The following RASEF variants were observed in gnomAD, a reference collection of about 807,000 sequenced individuals.
RASEF encodes the protein RAS and EF-hand domain containing.
In RASEF, 68 loss-of-function variants were observed where a neutral mutation model predicts 90.1. The observed-to-expected ratio is 0.75, with a 90% CI of 0.62 to 0.92. RASEF has a LOEUF of 0.92. Among genes scored for constraint, RASEF ranks in the 40% least tolerant of loss-of-function variants. The pLI is 0.00. For missense variants in RASEF, 949 were observed against 937.2 expected, an observed-to-expected ratio of 1.01 and a Z score of -0.16; for synonymous variants, 331 against 345.2, an observed-to-expected ratio of 0.96 and a Z score of 0.46.
chr9:83,086,659 A>C, the RASEF span, among the ~76,000 whole-genome samples: 4 of 152,140 alleles, frequency 2.6e-5, no homozygotes, highest in African/African-American at 9.7e-5. Flanking sequence ...AAGCTCCCTC[A>C]CAGCGTTGGC....
the RASEF span, among the ~76,000 whole-genome samples, chr9:83,181,561 G>T: frequency 3.3e-5 from 5 of 152,146 alleles, no homozygotes. Context: ...TCAAGAAACA[G>T]ATTTTTAAAA....
intron 5 of RASEF, among the ~76,000 whole-genome samples, chr9:83,010,761 T>C (rs1477390351): frequency 6.6e-6 from 1 of 152,088 alleles, no homozygotes; most frequent in Non-Finnish European, 1.5e-5. Flanking sequence ...CTCACACCGG[T>C]AACTGGGGTC....
chr9:83,215,077 C>T, the RASEF span, among the ~76,000 whole-genome samples: 5 of 151,554 alleles, frequency 3.3e-5, no homozygotes, highest in Admixed American at 6.6e-5. Flanking sequence ...AGAAGAGGAA[C>T]GTCTGAACAC....
the RASEF span, among the ~76,000 whole-genome samples, chr9:83,144,387 GAAAGGAAAGAAAGAAAGAAAGAAAGAA>G: frequency 4.6e-5 from 1 of 21,872 alleles, no homozygotes; most frequent in African/African-American, 2.7e-4. Flanking sequence ...AAGAAAGAAA[GAAAGGAAAGAAAGAAAGAAAGAAAGAA>G]AGAAAAGAAA....
At position 83,000,970 on chromosome 9, in the gene RASEF, A is replaced by G; in HGVS notation, c.1363T>C (p.Tyr455His). 2 of 1,614,124 alleles carry G rather than the reference A, an allele frequency of 1.2e-6. No individual in the cohort carries two copies. The highest frequency in any genetic ancestry group is 1.7e-6 in the Non-Finnish European group (2 of 1,180,024). The change falls in exon 10 of 17, where the codon TAC (tyrosine) becomes CAC (histidine). Residue 455 changes from tyrosine (Y) to histidine (H), a missense_variant. Transcript: ENST00000376447. ...CTCTGAAATCCCCTCTGGTGCTTGT[A>G]TTCCACTTCTGAGTCATACTCATTG... Reference protein sequence around the residue: ...DPNEYDSEVEYKHQRGFQRSH... With the variant: ...DPNEYDSEVEHKHQRGFQRSH...
the RASEF span, among the ~76,000 whole-genome samples, chr9:83,100,392 A>T: frequency 6.6e-6 from 1 of 152,246 alleles, no homozygotes; most frequent in Non-Finnish European, 1.5e-5. Flanking sequence ...AGCTGCTTAC[A>T]TCAGAACATC....
the RASEF span, among the ~76,000 whole-genome samples, chr9:83,091,586 A>C: frequency 0.029 from 4,407 of 152,248 alleles, 220 homozygotes; most frequent in African/African-American, 0.099. Context: ...ATTTTTTAAA[A>C]AATGAACTCC....
chr9:83,155,525 C>T, the RASEF span, among the ~76,000 whole-genome samples: 9 of 151,994 alleles, frequency 5.9e-5, no homozygotes, highest in African/African-American at 1.7e-4. Context: ...TGGGGGAAAC[C>T]GCCCCCATGA....
the RASEF span, among the ~76,000 whole-genome samples, chr9:83,081,110 C>T: frequency 6.6e-6 from 1 of 152,136 alleles, no homozygotes; most frequent in Non-Finnish European, 1.5e-5. Context: ...CTATCATCCT[C>T]ATGTTACTGA....
rs1414675905 is a variant in RASEF at position 82,982,066 on chromosome 9, G to A, written c.*611C>T. ...ATCAATACTCCAATATTAAAAAGCA[G>A]GAATAACCATAGTTCTATTATTAAC... On this transcript the variant is annotated 3_prime_UTR_variant, in exon 17 of 17. Transcript: ENST00000376447. 6.6e-6 allele frequency: 1 copy of A among 152,154 alleles called. No individual in the cohort carries two copies. Among genetic ancestry groups the A allele is most frequent in the African/African-American group, 2.4e-5 (1 of 41,428 alleles). The allele number at this position is 152,154 out of a possible 1,614,324, so 9.4% of individuals were successfully genotyped here. A position where few individuals can be genotyped will look rare whatever the true frequency, so the allele number is the denominator to read the frequency against.
At position 83,035,383 on chromosome 9, in the gene RASEF, A is replaced by G. The variant is rs141056817; in HGVS notation, c.432-9462T>C. The stretch of plus-strand genomic sequence containing the variant: ...TTGCTGTGCTGACCCGTTACCATCT[A>G]TTAACATAAGGCCCTGAGCATAGCA... On this transcript the variant is annotated intron_variant, in intron 1 of 16. Transcript: ENST00000376447. Among the ~76,000 whole-genome samples the G allele has an allele frequency of 1.5e-3, 234 of 152,294 alleles. 1 individual carries two copies. The highest frequency in any genetic ancestry group is 5.5e-3 in the African/African-American group (227 of 41,562).
the RASEF span, among the ~76,000 whole-genome samples, chr9:83,214,184 A>G: frequency 0.67 from 102,336 of 152,080 alleles, 34,803 homozygotes; most frequent in South Asian, 0.84. Flanking sequence ...ACCTGAGTTC[A>G]AGGCCAGCCT....
intron 3 of RASEF, among the ~76,000 whole-genome samples, chr9:83,018,587 A>C (rs1408179752): frequency 6.6e-6 from 1 of 152,158 alleles, no homozygotes; most frequent in African/African-American, 2.4e-5. Flanking sequence ...AAAGAAATTG[A>C]AAGGCTGATT....
the RASEF span, among the ~76,000 whole-genome samples, chr9:83,076,177 A>G: frequency 6.6e-6 from 1 of 152,162 alleles, no homozygotes; most frequent in East Asian, 1.9e-4. Flanking sequence ...AAAAAAAAAA[A>G]AAAATCTAAA....
the RASEF span, chr9:83,202,072 C>A: frequency 6.4e-6 from 1 of 156,332 alleles, no homozygotes; most frequent in South Asian, 1.7e-4. Flanking sequence ...ATGAGGGCTC[C>A]CCATGTGCTG....
intron 4 of RASEF, among the ~76,000 whole-genome samples, chr9:83,013,651 A>G (rs746384388): frequency 2.0e-5 from 3 of 152,318 alleles, no homozygotes; most frequent in Middle Eastern, 3.4e-3. Context: ...GAGAAAGCAC[A>G]AACTGTGTAG....
chr9:83,218,929 T>C, the RASEF span, among the ~76,000 whole-genome samples: 3 of 152,170 alleles, frequency 2.0e-5, no homozygotes, highest in Admixed American at 6.5e-5. Context: ...GGCAAATTGC[T>C]AGGCAGGTAG....
chr9:83,025,313 G>A (rs1829524451), intron 2 of RASEF, among the ~76,000 whole-genome samples: 1 of 152,112 alleles, frequency 6.6e-6, no homozygotes, highest in South Asian at 2.1e-4. Context: ...GCTCACCCAT[G>A]ACATCATCCA....
At chr9:83,147,056 AT>A in the RASEF span, among the ~76,000 whole-genome samples, 4 of 149,448 alleles carry the variant, frequency 2.7e-5, no homozygotes, top group East Asian at 3.9e-4. Context: ...ATATATATAT[AT>A]ATAAATATGT....
Sources: gnomAD v4.1 joint callset for allele counts (sites outside exome capture counted in the v4.1 genomes callset) on GRCh38, gnomAD v4.1.1 for gene constraint, MANE v1.5 for transcripts, NCBI Gene and HGNC (gene_info 2026-07-23, HGNC 2026-07-21) for gene names.